XPO4: variants seen among roughly 807,000 people sequenced by gnomAD.
XPO4 encodes the protein exportin 4, also known as exportin-4.
A neutral mutation model predicts 143.0 loss-of-function variants in XPO4; 39 were observed. The observed-to-expected ratio is 0.27, with a 90% confidence interval of 0.21 to 0.36. XPO4 has a LOEUF of 0.36. Ranked by LOEUF, XPO4 falls within the 10% of genes least tolerant of loss-of-function variation. XPO4 has a pLI of 1.00. For missense variants in XPO4, 907 were observed against 1,348.0 expected, an observed-to-expected ratio of 0.67 and a Z score of 5.12; for synonymous variants, 439 against 474.0, an observed-to-expected ratio of 0.93 and a Z score of 0.96.
At chr13:20,884,208 T>G (rs1018054942) in intron 1 of XPO4, among the ~76,000 whole-genome samples, 1 of 152,058 alleles carries the variant, frequency 6.6e-6, no homozygotes, top group Non-Finnish European at 1.5e-5. Flanking sequence ...TCTCAAAAAT[T>G]GATTTGTCTC....
intron 16 of XPO4, 93 bp from the exon 17 acceptor site, chr13:20,797,150 A>C: frequency 1.6e-6 from 2 of 1,253,384 alleles, no homozygotes; most frequent in Non-Finnish European, 2.2e-6. Context: ...AACATTTCTA[A>C]TTGTTGGAGG....
At chr13:20,901,524 GA>G (rs1293601510) in intron 1 of XPO4, among the ~76,000 whole-genome samples, 1 of 152,204 alleles carries the variant, frequency 6.6e-6, no homozygotes, top group Non-Finnish European at 1.5e-5. Context: ...GCAAAAGTGT[GA>G]AAACCTTCAC....
At chr13:20,821,591 TTAACAA>T in intron 9 of XPO4, 107 bp downstream of exon 9, 1 of 1,187,024 alleles carries the variant, frequency 8.4e-7, no homozygotes, top group Non-Finnish European at 1.1e-6. Context: ...AACAGTCACT[TTAACAA>T]TAGCCAGCAC....
chr13:20,803,920 G>A lies in XPO4; in HGVS notation c.1818-2930C>T, dbSNP rs1182329109. 6.6e-6 allele frequency among the ~76,000 whole-genome samples: 1 copy of A among 152,136 alleles called. No individual in the cohort carries two copies. Among genetic ancestry groups the A allele is most frequent in the East Asian group, 1.9e-4 (1 of 5,196 alleles). On this transcript the variant is annotated intron_variant, in intron 13 of 22. Transcript: ENST00000255305. This position sits in a 1 kb window ranked among gnomAD's most constrained non-coding sequence, Gnocchi z 4.1. ...ATTCTCTAGATGTTTACAGTTAAGGGAACAAATTAATAAGATTTACTAAAC... is the reference window on the plus strand; with the variant it reads ...ATTCTCTAGATGTTTACAGTTAAGGAAACAAATTAATAAGATTTACTAAAC...
At chr13:20,871,204 G>C (rs555400921) in intron 1 of XPO4, among the ~76,000 whole-genome samples, 48 of 151,726 alleles carry the variant, frequency 3.2e-4, no homozygotes, top group African/African-American at 1.1e-3. Flanking sequence ...TTCCTGAGAC[G>C]GAATCTCACT....
Position 20,857,334 on chromosome 13 carries a change from T to C in XPO4, c.318-1569A>G, listed in dbSNP as rs1566610705. ...AGAATAAATAATAGCTACCATTTAT[T>C]GAATGCTTACTATATGCAAGAATTT... On this transcript the variant is annotated intron_variant, in intron 3 of 22. Transcript: ENST00000255305. Among the ~76,000 whole-genome samples, 7 of 152,232 alleles carry C rather than the reference T, an allele frequency of 4.6e-5. No individual in the cohort carries two copies. In the South Asian group the frequency reaches 1.4e-3, roughly 32 times the overall value.
chr13:20,902,475 C>T (rs1006152856), intron 1 of XPO4, 195 bp downstream of exon 1: 25 of 985,322 alleles, frequency 2.5e-5, no homozygotes, highest in Non-Finnish European at 2.9e-5. Flanking sequence ...GGGGACAGCT[C>T]CTGGAAGGAG....
intron 3 of XPO4, among the ~76,000 whole-genome samples, chr13:20,857,249 T>C (rs2060152874): frequency 6.6e-6 from 1 of 152,230 alleles, no homozygotes; most frequent in Non-Finnish European, 1.5e-5. Context: ...AGACTATGAC[T>C]ACAAATGTAC....
chr13:20,834,050 A>G (rs1221088711), intron 6 of XPO4, among the ~76,000 whole-genome samples: 8 of 152,130 alleles, frequency 5.3e-5, no homozygotes, highest in Admixed American at 5.2e-4. Context: ...TGGGGCTACA[A>G]AGTGCAGAGG....
At chr13:20,882,899 AAGGC>A (rs2060426145) in intron 1 of XPO4, among the ~76,000 whole-genome samples, 1 of 151,838 alleles carries the variant, frequency 6.6e-6, no homozygotes, top group Non-Finnish European at 1.5e-5. Context: ...AAAAAAAAAA[AAGGC>A]AGGGAGTGTA....
intron 1 of XPO4, among the ~76,000 whole-genome samples, chr13:20,882,124 A>AAAAG (rs1171087028): frequency 2.7e-5 from 4 of 147,910 alleles, no homozygotes; most frequent in African/African-American, 7.8e-5. Flanking sequence ...AAAAAAAAAA[A>AAAAG]AAAGAAAGAA....
intron 1 of XPO4, among the ~76,000 whole-genome samples, chr13:20,887,271 A>C (rs2060469748): frequency 6.6e-6 from 1 of 152,134 alleles, no homozygotes; most frequent in Non-Finnish European, 1.5e-5. Flanking sequence ...TTTATACATC[A>C]ATCCTACTCA....
intron 16 of XPO4, 94 bp from the exon 17 acceptor site, chr13:20,797,151 T>C (rs772491516): frequency 5.1e-5 from 64 of 1,246,882 alleles, no homozygotes; most frequent in African/African-American, 6.1e-5. Flanking sequence ...ACATTTCTAA[T>C]TGTTGGAGGC....
chr13:20,802,133 C>T (rs1413342825), intron 13 of XPO4, among the ~76,000 whole-genome samples: 1 of 152,096 alleles, frequency 6.6e-6, no homozygotes, highest in Admixed American at 6.6e-5. Flanking sequence ...TCACGGTCCA[C>T]TGCAGCTTTA....
At chr13:20,808,700 A>G in intron 11 of XPO4, 119 bp from the exon 12 acceptor site, 1 of 840,484 alleles carries the variant, frequency 1.2e-6, no homozygotes, top group East Asian at 2.7e-5. Flanking sequence ...ACATATACAA[A>G]AACATTATAG....
intron 4 of XPO4, among the ~76,000 whole-genome samples, chr13:20,844,364 T>C (rs539013433): frequency 1.3e-5 from 2 of 152,260 alleles, no homozygotes; most frequent in South Asian, 4.1e-4. Flanking sequence ...TGAAACAGAT[T>C]TTATAGTGTC....
rs954905830 is a variant in XPO4, at chr13:20,852,833, C to T, written c.456+2794G>A. On this transcript the variant is annotated intron_variant, in intron 4 of 22. Coordinates refer to ENST00000255305, the MANE Select transcript of XPO4 (RefSeq NM_022459.5). ...GATATCCATTATTCTTGCTATAATG[C>T]TATTTGTGTAACAGAAAATATAAAT... 27 of 984,530 alleles carry T rather than the reference C, an allele frequency of 2.7e-5. No individual in the cohort carries two copies. In the African/African-American group the frequency reaches 4.4e-4, roughly 16 times the overall value. The allele number at this position is 984,530 out of a possible 1,614,324, so 61.0% of individuals were successfully genotyped here. A position where few individuals can be genotyped will look rare whatever the true frequency, so the allele number is the denominator to read the frequency against.
At chr13:20,788,008 G>A (rs547036496) in intron 20 of XPO4, among the ~76,000 whole-genome samples, 58 of 151,862 alleles carry the variant, frequency 3.8e-4, no homozygotes, top group African/African-American at 1.1e-3. Flanking sequence ...ACTAACGAAA[G>A]AAACACAGAA....
chr13:20,838,932 G>A (rs2059945946), intron 6 of XPO4, among the ~76,000 whole-genome samples: 1 of 152,156 alleles, frequency 6.6e-6, no homozygotes, highest in Non-Finnish European at 1.5e-5. Flanking sequence ...GATGCTGCAT[G>A]CTACAAAATG....
Sources: allele counts gnomAD v4.1 joint callset (sites outside exome capture counted in the v4.1 genomes callset), GRCh38; gene constraint gnomAD v4.1.1; non-coding constraint Gnocchi (gnomAD v3.1); transcripts MANE v1.5; gene names NCBI Gene and HGNC (gene_info 2026-07-23, HGNC 2026-07-21).